The following MBD5 variants were observed in gnomAD, a reference collection of about 807,000 sequenced individuals.
MBD5 encodes methyl-CpG-binding domain protein 5.
Under a neutral mutation model 117.3 loss-of-function variants are expected in MBD5, and 13 were observed. That is an observed-to-expected ratio of 0.11 (90% CI 0.07 to 0.18). The LOEUF (loss-of-function observed/expected upper bound fraction) is 0.18. Among genes scored for constraint, MBD5 ranks in the 10% least tolerant of loss-of-function variants. The pLI is 1.00. For missense variants in MBD5, 1,879 were observed against 2,093.8 expected (o/e 0.90, Z 2.00); for synonymous variants, 727 against 766.4 (o/e 0.95, Z 0.85).
chr2:148,435,548 T>C (rs897459253), intron 4 of MBD5, among the ~76,000 whole-genome samples: 1 of 152,224 alleles, frequency 6.6e-6, no homozygotes, highest in African/African-American at 2.4e-5. Flanking sequence ...TTTTTTTCTT[T>C]AAGAATGCTG....
intron 3 of MBD5, among the ~76,000 whole-genome samples, chr2:148,329,655 CT>C (rs1702579469): frequency 6.6e-6 from 1 of 152,054 alleles, no homozygotes; most frequent in Non-Finnish European, 1.5e-5. Context: ...CTAGCTTAAC[CT>C]TTTATGTTTG....
At chr2:148,324,378 G>T (rs549617164) in intron 3 of MBD5, among the ~76,000 whole-genome samples, 93 of 152,182 alleles carry the variant, frequency 6.1e-4, no homozygotes, top group African/African-American at 1.5e-3. Context: ...GTGAAGAAAG[G>T]CATTGGTAGC....
At chr2:148,254,023 C>T (rs1423450759) in intron 3 of MBD5, among the ~76,000 whole-genome samples, 1 of 152,182 alleles carries the variant, frequency 6.6e-6, no homozygotes, top group African/African-American at 2.4e-5. Context: ...TGGGCAGGAA[C>T]ACATACCCAT....
rs146132019 is a variant in MBD5 at position 148,153,336 on chromosome 2, A to C, written c.-924-25364A>C. Among the ~76,000 whole-genome samples, 897 of 152,134 alleles carry C rather than the reference A, an allele frequency of 5.9e-3. 11 individuals carry two copies. The highest frequency in any genetic ancestry group is 0.021 in the African/African-American group (864 of 41,476). ...TGTTAGTCTGATGGGCTTCCCTTTG[A>C]GGGAAAACTGACCTTTCTCTCTGGC... On this transcript the variant is annotated intron_variant, in intron 1 of 13. Coordinates refer to ENST00000642680, the MANE Select transcript of MBD5 (RefSeq NM_001378120.1).
At chr2:148,463,500 A>G (rs1707163134) in intron 6 of MBD5, among the ~76,000 whole-genome samples, 1 of 152,264 alleles carries the variant, frequency 6.6e-6, no homozygotes, top group South Asian at 2.1e-4. Flanking sequence ...ATACCTTTTC[A>G]TATATTTATC....
intron 4 of MBD5, among the ~76,000 whole-genome samples, chr2:148,350,104 T>A (rs1419107418): frequency 6.6e-6 from 1 of 151,926 alleles, no homozygotes; most frequent in Non-Finnish European, 1.5e-5. Flanking sequence ...AAGGACAATT[T>A]TTTGAGGATA....
At chr2:148,213,798 A>G (rs925860426) in intron 2 of MBD5, among the ~76,000 whole-genome samples, 9 of 151,744 alleles carry the variant, frequency 5.9e-5, no homozygotes, top group African/African-American at 2.2e-4. Flanking sequence ...TAGACATCAA[A>G]GAATGTTTAT....
At chr2:148,286,422 C>CA (rs900425869) in intron 3 of MBD5, among the ~76,000 whole-genome samples, 15 of 152,212 alleles carry the variant, frequency 9.9e-5, no homozygotes, top group African/African-American at 3.6e-4. Flanking sequence ...GACTTACCCA[C>CA]ATAACTTCTC....
intron 2 of MBD5, among the ~76,000 whole-genome samples, chr2:148,183,991 A>C (rs1160582149): frequency 1.3e-5 from 2 of 151,070 alleles, no homozygotes; most frequent in Non-Finnish European, 2.9e-5. Flanking sequence ...GGCCTGTTCA[A>C]CTCCATCATT....
intron 1 of MBD5, among the ~76,000 whole-genome samples, chr2:148,149,549 C>T (rs957105247): frequency 6.6e-6 from 1 of 151,156 alleles, no homozygotes; most frequent in African/African-American, 2.4e-5. Context: ...AGTTTACAGT[C>T]CCACCAACAG....
At chr2:148,102,729 C>CAGAG (rs70992193) in intron 1 of MBD5, among the ~76,000 whole-genome samples, 19 of 102,650 alleles carry the variant, frequency 1.9e-4, no homozygotes, top group Middle Eastern at 4.3e-3. Context: ...CACACACACA[C>CAGAG]AGAGAGAGAG....
intron 1 of MBD5, among the ~76,000 whole-genome samples, chr2:148,147,607 TTTG>T (rs2105599972): frequency 6.6e-6 from 1 of 152,156 alleles, no homozygotes; most frequent in Admixed American, 6.5e-5. Context: ...CTCCCCTCAG[TTTG>T]TTGTTATTTG....
chr2:148,235,584 A>G (rs941688519), intron 3 of MBD5, among the ~76,000 whole-genome samples: 1 of 152,186 alleles, frequency 6.6e-6, no homozygotes, highest in Non-Finnish European at 1.5e-5. Flanking sequence ...TGAACGTAGC[A>G]GGTATGATTT....
chr2:148,031,556 G>C (rs546527450), intron 1 of MBD5, among the ~76,000 whole-genome samples: 214 of 152,194 alleles, frequency 1.4e-3, no homozygotes, highest in Non-Finnish European at 2.6e-3. Context: ...TGGTAAATTA[G>C]GGAAATGATT....
Position 148,380,718 on chromosome 2 carries a change from C to A in MBD5, c.-557+38382C>A, listed in dbSNP as rs554794889. On this transcript the variant is annotated intron_variant, in intron 4 of 13. Coordinates refer to ENST00000642680, the MANE Select transcript of MBD5 (RefSeq NM_001378120.1). ...CCGAGTAGCCTAACTGGGAGGCACC[C>A]CCAGTAGGGGCGGACTGACACCTCA... 2.6e-5 allele frequency among the ~76,000 whole-genome samples: 4 copies of A among 152,234 alleles called. No individual in the cohort carries two copies. In the East Asian group the frequency reaches 7.7e-4, roughly 29 times the overall value.
chr2:148,324,017 G>A (rs1434484196), intron 3 of MBD5, among the ~76,000 whole-genome samples: 2 of 152,108 alleles, frequency 1.3e-5, no homozygotes, highest in Non-Finnish European at 2.9e-5. Flanking sequence ...ATTGATTTTT[G>A]TATAAGGTGT....
chr2:148,263,242 A>G (rs1700774113), intron 3 of MBD5, among the ~76,000 whole-genome samples: 1 of 152,172 alleles, frequency 6.6e-6, no homozygotes, highest in Non-Finnish European at 1.5e-5. Flanking sequence ...AAATAGAGAA[A>G]AGGACTAATC....
intron 2 of MBD5, among the ~76,000 whole-genome samples, chr2:148,188,949 C>T (rs897794875): frequency 2.6e-5 from 4 of 151,474 alleles, no homozygotes; most frequent in Non-Finnish European, 4.4e-5. Context: ...ACCTGGGAAG[C>T]GCAAGGGGTC....
chr2:148,493,396 A>G (rs1263386177), intron 11 of MBD5, among the ~76,000 whole-genome samples: 1 of 152,204 alleles, frequency 6.6e-6, no homozygotes, highest in East Asian at 1.9e-4. Context: ...CCTACAACAT[A>G]TCATTTATTA....
Sources: allele counts gnomAD v4.1 joint callset (sites outside exome capture counted in the v4.1 genomes callset), GRCh38; gene constraint gnomAD v4.1.1; transcripts MANE v1.5; gene names NCBI Gene and HGNC (gene_info 2026-07-23, HGNC 2026-07-21).